FAM107A: variants seen among roughly 807,000 people sequenced by gnomAD.
FAM107A encodes family with sequence similarity 107 member A, also known as actin-associated protein FAM107A.
FAM107A carries 19 observed loss-of-function variants against 13.7 expected under a neutral mutation model. That is an observed-to-expected ratio of 1.38 (90% CI 0.97 to 2.03). The LOEUF is 2.03. FAM107A is among the 30% of genes most tolerant of loss of function. The pLI, the probability that FAM107A is intolerant of heterozygous loss-of-function variation, is 0.00. For synonymous variants in FAM107A, 82 were observed against 74.5 expected, an observed-to-expected ratio of 1.10 and a Z score of -0.52; for missense variants, 203 against 184.4, an observed-to-expected ratio of 1.10 and a Z score of -0.58.
intron 1 of FAM107A, among the ~76,000 whole-genome samples, chr3:58,570,138 A>G (rs76376902): frequency 0.01 from 1,542 of 152,320 alleles, 22 homozygotes; most frequent in African/African-American, 0.035. Flanking sequence ...GGGTCACAAA[A>G]TACGGGTTGA....
intron 1 of FAM107A, among the ~76,000 whole-genome samples, chr3:58,571,291 C>T (rs530665278): frequency 7.5e-4 from 114 of 152,284 alleles, no homozygotes; most frequent in Non-Finnish European, 1.2e-3. Context: ...AGTAAGACCA[C>T]ATACGTAAAG....
At chr3:58,612,189 G>A (rs564004051) in intron 1 of FAM107A, among the ~76,000 whole-genome samples, 1 of 152,230 alleles carries the variant, frequency 6.6e-6, no homozygotes, top group East Asian at 1.9e-4. Context: ...TATCTACTAA[G>A]ATGTGAAGGA....
At chr3:58,620,974 T>C (rs2065949428) in intron 1 of FAM107A, among the ~76,000 whole-genome samples, 1 of 152,138 alleles carries the variant, frequency 6.6e-6, no homozygotes, top group Non-Finnish European at 1.5e-5. Flanking sequence ...CTTCTGCCCC[T>C]GGACTTCCCC....
chr3:58,607,796 G>T (rs548845741), intron 1 of FAM107A: 1 of 152,322 alleles, frequency 6.6e-6, no homozygotes, highest in South Asian at 2.1e-4. Flanking sequence ...AACCTCTGGG[G>T]CCTTCTGTTC....
At chr3:58,567,108 C>T (rs1342232207) in intron 3 of FAM107A, 100 bp downstream of exon 3, 2 of 1,416,878 alleles carry the variant, frequency 1.4e-6, no homozygotes. Flanking sequence ...GCTCTGTCTG[C>T]TGATCCTCTT....
At chr3:58,588,945 C>T (rs527314998), upstream of FAM107A, among the ~76,000 whole-genome samples, 4 of 152,142 alleles carry the variant, frequency 2.6e-5, no homozygotes, top group Non-Finnish European at 5.9e-5. Context: ...TCACCATGCC[C>T]GGCCTCAAGT....
At chr3:58,624,962 G>A (rs980623433) in intron 1 of FAM107A, among the ~76,000 whole-genome samples, 1 of 152,030 alleles carries the variant, frequency 6.6e-6, no homozygotes, top group Non-Finnish European at 1.5e-5. Flanking sequence ...GCAGGTGCCT[G>A]CCTGATCAAC....
In FAM107A at chr3:58,604,615, T is replaced by C. The variant is rs2065777921; in HGVS notation, c.-69-15346A>G. Among the ~76,000 whole-genome samples, 1 of 152,192 alleles carries C rather than the reference T, an allele frequency of 6.6e-6. No individual in the cohort carries two copies. The highest frequency in any genetic ancestry group is 1.5e-5 in the Non-Finnish European group (1 of 68,034). On this transcript the variant is annotated intron_variant, in intron 1 of 3. Transcript: ENST00000465970. The surrounding 1 kb of genome is among the most constrained non-coding windows in gnomAD (Gnocchi z 4.1). ...GGGACCTCAGGATGTGTGGACTGAA[T>C]GCACTTTCCTTTATTAATCCTTGTG... is the stretch of plus-strand genomic sequence containing the variant.
intron 1 of FAM107A, among the ~76,000 whole-genome samples, chr3:58,625,162 C>T (rs374591046): frequency 4.9e-4 from 74 of 152,246 alleles, no homozygotes; most frequent in African/African-American, 1.0e-3. Flanking sequence ...AGTGACTGAA[C>T]GGACCCCCTC....
At chr3:58,595,765 G>C (rs764935389) in intron 1 of FAM107A, among the ~76,000 whole-genome samples, 5 of 152,250 alleles carry the variant, frequency 3.3e-5, no homozygotes, top group South Asian at 2.1e-4. Context: ...TGCAAGACTT[G>C]TTGGAAAATA....
At chr3:58,597,147 C>A (rs1052969838) in intron 1 of FAM107A, among the ~76,000 whole-genome samples, 1 of 152,226 alleles carries the variant, frequency 6.6e-6, no homozygotes, top group African/African-American at 2.4e-5. Flanking sequence ...ACTCCTAAAG[C>A]TGCTATGAAC....
chr3:58,597,020 C>G (rs903852692), intron 1 of FAM107A, among the ~76,000 whole-genome samples: 2 of 152,188 alleles, frequency 1.3e-5, no homozygotes, highest in African/African-American at 4.8e-5. Context: ...CTGCCTGTGT[C>G]AGTAGTTCAT....
intron 1 of FAM107A, among the ~76,000 whole-genome samples, chr3:58,575,599 T>C (rs2063724230): frequency 6.6e-6 from 1 of 152,230 alleles, no homozygotes; most frequent in Non-Finnish European, 1.5e-5. Flanking sequence ...CTCTCCACTG[T>C]CTTCAAGGTG....
Position 58,586,943 on chromosome 3 carries a change from G to T in FAM107A, c.-7C>A, listed in dbSNP as rs754165077. ...CGCCCAGCCTCTGCGCCATGCCCCC[G>T]CGCCTCCTACTGCAGAGCCAGCACT... On this transcript the variant is annotated 5_prime_UTR_variant, in exon 1 of 4. Transcript: ENST00000447756. 1.9e-5 allele frequency: 29 copies of T among 1,526,404 alleles called. No homozygotes were observed. In the East Asian group the frequency reaches 6.5e-4, roughly 34 times the overall value. The allele number at this position is 1,526,404 out of a possible 1,614,324, so 94.6% of individuals were successfully genotyped here.
chr3:58,580,576 A>G (rs1444188), upstream of FAM107A, among the ~76,000 whole-genome samples: 113,789 of 151,600 alleles, frequency 0.75, 43,955 homozygotes, highest in East Asian at 1. Context: ...CACCACACCC[A>G]GCTAATTTTT....
chr3:58,597,462 T>C (rs2065717547), intron 1 of FAM107A, among the ~76,000 whole-genome samples: 1 of 152,206 alleles, frequency 6.6e-6, no homozygotes, highest in Non-Finnish European at 1.5e-5. Flanking sequence ...TATTTGTCCT[T>C]AAAATCTGGA....
intron 1 of FAM107A, among the ~76,000 whole-genome samples, chr3:58,599,696 ATTTTTTTTTTTTTTTTTTTT>A (rs57244654): frequency 0.038 from 3,016 of 78,586 alleles, 79 homozygotes; most frequent in Non-Finnish European, 0.053. Flanking sequence ...CAAGTGCACC[ATTTTTTTTTTTTTTTTTTTT>A]TTTTTTTTTT....
At chr3:58,624,019 G>T (rs575188611) in intron 1 of FAM107A, among the ~76,000 whole-genome samples, 1 of 152,162 alleles carries the variant, frequency 6.6e-6, no homozygotes, top group South Asian at 2.1e-4. Context: ...GGTGGAGGAC[G>T]GCGTGCCCAC....
At chr3:58,616,476 T>A (rs1322517963) in intron 1 of FAM107A, among the ~76,000 whole-genome samples, 1 of 150,992 alleles carries the variant, frequency 6.6e-6, no homozygotes, top group East Asian at 2.0e-4. Flanking sequence ...TAAGATGAGG[T>A]CATTAGGGTA....
Sources: gnomAD v4.1 joint callset for allele counts (sites outside exome capture counted in the v4.1 genomes callset) on GRCh38, gnomAD v4.1.1 for gene constraint, Gnocchi (gnomAD v3.1) non-coding constraint, MANE v1.5 for transcripts, NCBI Gene and HGNC (gene_info 2026-07-23, HGNC 2026-07-21) for gene names.